AUTS2: variants seen among roughly 807,000 people sequenced by gnomAD.
AUTS2 encodes the protein activator of transcription and developmental regulator AUTS2.
AUTS2 carries 17 observed loss-of-function variants against 112.4 expected under a neutral mutation model. That is an observed-to-expected ratio of 0.15 (90% CI 0.10 to 0.23). The LOEUF (loss-of-function observed/expected upper bound fraction) is 0.23, where lower values mean the gene tolerates loss of function less well. Ranked by LOEUF, AUTS2 falls within the 10% of genes least tolerant of loss-of-function variation. The pLI is 1.00. For missense variants in AUTS2, 1,510 were observed against 1,701.6 expected (o/e 0.89, Z 1.98); for synonymous variants, 751 against 702.7 (o/e 1.07, Z -1.09).
rs543281071 is a variant in AUTS2 at position 70,457,365 on chromosome 7, C to T, written c.690+21584C>T. ...CCTTATTAAAAATGCCAGTGATCAC[C>T]GAGGATCATGATTTCCCTCCCCTTG... On this transcript the variant is annotated intron_variant, in intron 5 of 18. Coordinates refer to ENST00000342771, the MANE Select transcript of AUTS2 (RefSeq NM_015570.4). Among the ~76,000 whole-genome samples, 63 of 152,182 alleles carry T rather than the reference C, an allele frequency of 4.1e-4. 1 individual carries two copies. The highest frequency in any genetic ancestry group is 1.3e-3 in the African/African-American group (56 of 41,514).
At chr7:70,303,434 G>GCGCGCGCGCACACA (rs1241517255) in intron 4 of AUTS2, among the ~76,000 whole-genome samples, 69 of 142,048 alleles carry the variant, frequency 4.9e-4, no homozygotes, top group African/African-American at 1.3e-3. Context: ...GCGCGCGCGC[G>GCGCGCGCGCACACA]CACATACACA....
intron 6 of AUTS2, among the ~76,000 whole-genome samples, chr7:70,753,225 C>T (rs139451977): frequency 1.3e-3 from 195 of 152,270 alleles, no homozygotes; most frequent in African/African-American, 4.4e-3. Context: ...CACAGCTCTC[C>T]CAGTGGGCTG....
chr7:70,089,509 T>A (rs1228825874), intron 2 of AUTS2, among the ~76,000 whole-genome samples: 1 of 152,298 alleles, frequency 6.6e-6, no homozygotes, highest in South Asian at 2.1e-4. Context: ...CCATTTTTTT[T>A]AAGAGAACTT....
At chr7:70,304,722 T>TA (rs1270483458) in intron 4 of AUTS2, among the ~76,000 whole-genome samples, 1 of 145,324 alleles carries the variant, frequency 6.9e-6, no homozygotes, top group South Asian at 2.2e-4. Flanking sequence ...TTTAACTTTT[T>TA]TTTTTTTTTT....
chr7:69,599,438 C>T lies in AUTS2; in HGVS notation c.-216C>T, dbSNP rs1041076989. 2.5e-4 allele frequency: 104 copies of T among 411,090 alleles called. No homozygotes were observed. The highest frequency in any genetic ancestry group is 3.9e-4 in the Non-Finnish European group (97 of 245,850). 25.5% of individuals were successfully genotyped at this position (411,090 alleles called of 1,614,324 possible). On this transcript the variant is annotated 5_prime_UTR_variant, in exon 1 of 19. Coordinates refer to ENST00000342771, the MANE Select transcript of AUTS2 (RefSeq NM_015570.4). This position sits in a 1 kb window ranked among gnomAD's most constrained non-coding sequence, Gnocchi z 7.0. ...GGCTCCTCGCCTCTCGCCCTCGCTC[C>T]CCGTCCCTCCTCCCCTCTCTCCGCC...
intron 4 of AUTS2, among the ~76,000 whole-genome samples, chr7:70,355,418 C>T (rs1012867783): frequency 1.1e-4 from 17 of 152,134 alleles, no homozygotes; most frequent in African/African-American, 2.7e-4. Flanking sequence ...AGAGGATTAT[C>T]GGGGAGGACT....
At chr7:70,122,223 A>G (rs1805717757) in intron 3 of AUTS2, among the ~76,000 whole-genome samples, 1 of 152,202 alleles carries the variant, frequency 6.6e-6, no homozygotes, top group South Asian at 2.1e-4. Context: ...CTTGTTGGTT[A>G]CAGAGTTTCT....
At chr7:70,337,181 C>T (rs935105732) in intron 4 of AUTS2, among the ~76,000 whole-genome samples, 2 of 152,174 alleles carry the variant, frequency 1.3e-5, no homozygotes, top group Non-Finnish European at 2.9e-5. Flanking sequence ...TGATCAGATT[C>T]GCTTATGCTG....
chr7:70,591,371 G>A (rs1227560071), intron 5 of AUTS2, among the ~76,000 whole-genome samples: 8 of 147,574 alleles, frequency 5.4e-5, no homozygotes, highest in Non-Finnish European at 9.0e-5. Context: ...TCCTAGCAAC[G>A]GGTTTACCCA....
chr7:70,564,217 G>A (rs557200278), intron 5 of AUTS2, among the ~76,000 whole-genome samples: 1 of 152,292 alleles, frequency 6.6e-6, no homozygotes, highest in South Asian at 2.1e-4. Flanking sequence ...AGACATAACT[G>A]TAAGCTTAGA....
chr7:70,621,187 C>T (rs139495984), intron 5 of AUTS2, among the ~76,000 whole-genome samples: 41 of 152,368 alleles, frequency 2.7e-4, no homozygotes, highest in African/African-American at 9.6e-4. Context: ...AGTGTTTCTG[C>T]CCCACAGTGT....
chr7:70,108,783 CAAAAAAA>C (rs528009205), intron 2 of AUTS2, among the ~76,000 whole-genome samples: 15 of 69,180 alleles, frequency 2.2e-4, no homozygotes, highest in East Asian at 5.1e-4. Context: ...GCCAACATGG[CAAAAAAA>C]AAAAAAAAAA....
intron 5 of AUTS2, among the ~76,000 whole-genome samples, chr7:70,595,721 C>T (rs1306399376): frequency 6.6e-6 from 1 of 152,246 alleles, no homozygotes; most frequent in Admixed American, 6.5e-5. Flanking sequence ...TTCAGAGCAT[C>T]TTCCGGCTGT....
In AUTS2 at chr7:69,850,294, C is replaced by CAAAAA. The variant is rs200344253; in HGVS notation, c.310-48989_310-48985dup. On this transcript the variant is annotated intron_variant, in intron 1 of 18. Transcript: ENST00000342771. ...AGTGCAACAGGGTGACACTCTGTCTCAAAAAAACAAAAACAAAAACAAAAA... is the reference window on the plus strand; with the variant it reads ...AGTGCAACAGGGTGACACTCTGTCTCAAAAAAAAAAAACAAAAACAAAAACAAAAA... 1.3e-4 allele frequency among the ~76,000 whole-genome samples: 18 copies of CAAAAA among 142,096 alleles called. No homozygotes were observed. The East Asian group carries it at 3.5e-3, about 28-fold the overall frequency. The allele number at this position is 142,096 out of a possible 152,430, so 93.2% of individuals were successfully genotyped here.
intron 4 of AUTS2, among the ~76,000 whole-genome samples, chr7:70,217,271 A>C (rs775184987): frequency 6.6e-6 from 1 of 152,176 alleles, no homozygotes; most frequent in Non-Finnish European, 1.5e-5. Flanking sequence ...ACTGGTGTTC[A>C]CATAACCTGG....
chr7:70,124,831 G>A (rs1805877697), intron 3 of AUTS2, among the ~76,000 whole-genome samples: 1 of 152,178 alleles, frequency 6.6e-6, no homozygotes, highest in Admixed American at 6.5e-5. Flanking sequence ...AAAGTGCTAG[G>A]ATTGCAGGCG....
At chr7:70,773,028 T>C (rs1790452596) in intron 11 of AUTS2, among the ~76,000 whole-genome samples, 1 of 152,262 alleles carries the variant, frequency 6.6e-6, no homozygotes, top group Non-Finnish European at 1.5e-5. Flanking sequence ...GAAATAGGCC[T>C]TTCCAGGCCA....
intron 1 of AUTS2, among the ~76,000 whole-genome samples, chr7:69,742,905 G>T (rs1213933441): frequency 6.6e-6 from 1 of 152,070 alleles, no homozygotes; most frequent in Non-Finnish European, 1.5e-5. Flanking sequence ...TATTGTTGTT[G>T]TTCTAGCTAT....
chr7:69,870,558 T>C (rs1412557937), intron 1 of AUTS2, among the ~76,000 whole-genome samples: 3 of 149,228 alleles, frequency 2.0e-5, no homozygotes, highest in Non-Finnish European at 4.4e-5. Flanking sequence ...TGTTAAGTAC[T>C]GTGTTAGTAC....
Sources: allele counts gnomAD v4.1 joint callset (sites outside exome capture counted in the v4.1 genomes callset), GRCh38; gene constraint gnomAD v4.1.1; non-coding constraint Gnocchi (gnomAD v3.1); transcripts MANE v1.5; gene names NCBI Gene and HGNC (gene_info 2026-07-23, HGNC 2026-07-21).